Variants in ZNG1B observed in about 807,000 individuals in gnomAD.
ZNG1B encodes zinc-regulated GTPase metalloprotein activator 1B.
chr2:113,446,171 A>T, the ZNG1B span, among the ~76,000 whole-genome samples: 2 of 151,888 alleles, frequency 1.3e-5, no homozygotes, highest in East Asian at 3.9e-4. Context: ...AGTTTATTTC[A>T]TCATAGCCAG....
chr2:113,441,883 G>A, the ZNG1B span, among the ~76,000 whole-genome samples: 2 of 152,150 alleles, frequency 1.3e-5, no homozygotes, highest in African/African-American at 2.4e-5. Context: ...GGGACTACAG[G>A]CGTGCGCCAC....
the ZNG1B span, among the ~76,000 whole-genome samples, chr2:113,461,716 T>C: frequency 6.6e-6 from 1 of 152,060 alleles, no homozygotes; most frequent in African/African-American, 2.4e-5. Context: ...AGTATATTTA[T>C]AGTGATAAAG....
chr2:113,445,339 T>C, the ZNG1B span: 1 of 334,570 alleles, frequency 3.0e-6, no homozygotes, highest in East Asian at 6.3e-5. Context: ...TAAGGACATG[T>C]AGGAAGAGCA....
chr2:113,478,874 T>C, the ZNG1B span, among the ~76,000 whole-genome samples: 1 of 151,054 alleles, frequency 6.6e-6, no homozygotes, highest in African/African-American at 2.4e-5. Flanking sequence ...AGGGCAGTTA[T>C]TCCTCCTTCT....
the ZNG1B span, chr2:113,470,446 G>C: frequency 6.6e-6 from 1 of 152,668 alleles, no homozygotes; most frequent in African/African-American, 2.4e-5. Flanking sequence ...AATTAAATGA[G>C]TTTAATTATC....
chr2:113,459,933 C>T, the ZNG1B span, among the ~76,000 whole-genome samples: 1 of 147,506 alleles, frequency 6.8e-6, no homozygotes, highest in Non-Finnish European at 1.5e-5. Flanking sequence ...AAGCTTGCCT[C>T]CAGAGAGATG....
chr2:113,461,569 G>C, the ZNG1B span, among the ~76,000 whole-genome samples: 10 of 147,228 alleles, frequency 6.8e-5, no homozygotes, highest in Admixed American at 1.4e-4. Flanking sequence ...TAAAGCATAA[G>C]ACCCTGAATA....
chr2:113,476,204 T>C, the ZNG1B span, among the ~76,000 whole-genome samples: 1 of 152,180 alleles, frequency 6.6e-6, no homozygotes, highest in Non-Finnish European at 1.5e-5. Context: ...TATTCTTTTT[T>C]CTCTAAACTT....
chr2:113,479,688 C>T, the ZNG1B span, among the ~76,000 whole-genome samples: 6 of 152,206 alleles, frequency 3.9e-5, no homozygotes, highest in Non-Finnish European at 5.9e-5. Flanking sequence ...TTTCATCCAC[C>T]GTGTCTGGAT....
chr2:113,438,966 T>G, the ZNG1B span: 1 of 1,505,338 alleles, frequency 6.6e-7, no homozygotes, highest in Non-Finnish European at 8.9e-7. Context: ...TTATTCCCGT[T>G]TTTTGCTCGG....
chr2:113,444,209 A>G, the ZNG1B span: 4 of 390,230 alleles, frequency 1.0e-5, no homozygotes, highest in African/African-American at 8.1e-5. Context: ...AAAAAAATAA[A>G]TGACTATCAA....
At chr2:113,490,376 T>C in the ZNG1B span, among the ~76,000 whole-genome samples, 7 of 151,446 alleles carry the variant, frequency 4.6e-5, no homozygotes, top group African/African-American at 1.7e-4. Flanking sequence ...GGAAAGTTCA[T>C]GGCCCTCAAT....
chr2:113,476,586 A>T, the ZNG1B span, among the ~76,000 whole-genome samples: 1 of 148,078 alleles, frequency 6.8e-6, no homozygotes, highest in African/African-American at 2.6e-5. Flanking sequence ...GGAGGAGGAG[A>T]GGCGCTCTGC....
chr2:113,449,051 G>A, the ZNG1B span, among the ~76,000 whole-genome samples: 1 of 152,072 alleles, frequency 6.6e-6, no homozygotes, highest in Non-Finnish European at 1.5e-5. Flanking sequence ...TTATGGAGAT[G>A]GCTTCTTTCT....
At chr2:113,464,532 A>G in the ZNG1B span, among the ~76,000 whole-genome samples, 1 of 148,174 alleles carries the variant, frequency 6.7e-6, no homozygotes, top group Non-Finnish European at 1.5e-5. Flanking sequence ...TTTTGGTGCC[A>G]TACAAAGCCA....
the ZNG1B span, among the ~76,000 whole-genome samples, chr2:113,472,651 T>C: frequency 1.1e-4 from 16 of 152,232 alleles, no homozygotes; most frequent in East Asian, 2.9e-3. Context: ...CCATGTTGAA[T>C]TGATTTTTGT....
At chr2:113,470,031 T>C in the ZNG1B span, 3 of 150,760 alleles carry the variant, frequency 2.0e-5, no homozygotes, top group African/African-American at 7.3e-5. Context: ...TCTCACTCTG[T>C]GCCAGGCTGG....
the ZNG1B span, among the ~76,000 whole-genome samples, chr2:113,452,944 G>A: frequency 6.6e-6 from 1 of 151,898 alleles, no homozygotes; most frequent in East Asian, 1.9e-4. Context: ...AAATGGAATG[G>A]GTATAAATAG....
At chr2:113,472,024 G>A in the ZNG1B span, among the ~76,000 whole-genome samples, 1 of 150,684 alleles carries the variant, frequency 6.6e-6, no homozygotes, top group South Asian at 2.1e-4. Flanking sequence ...GGGTCAAATG[G>A]TATTTCTAGT....
Sources: gnomAD v4.1 joint callset for allele counts (sites outside exome capture counted in the v4.1 genomes callset) on GRCh38, gnomAD v4.1.1 for gene constraint, MANE v1.5 for transcripts, NCBI Gene and HGNC (gene_info 2026-07-23, HGNC 2026-07-21) for gene names.